ADAM18: variants seen among roughly 807,000 people sequenced by gnomAD.
The protein encoded by ADAM18 is ADAM metallopeptidase domain 18.
A neutral mutation model predicts 94.4 loss-of-function variants in ADAM18; 117 were observed. The ratio of observed to expected loss-of-function variants is 1.24; its 90% CI spans 1.07 to 1.45. The LOEUF (loss-of-function observed/expected upper bound fraction) is 1.45. Ranked by LOEUF, ADAM18 falls within the 40% of genes most tolerant of loss-of-function variation. The pLI is 0.00. For missense variants in ADAM18, 936 were observed against 880.0 expected (o/e 1.06, Z -0.81); for synonymous variants, 327 against 291.6 (o/e 1.12, Z -1.24).
At chr8:39,698,490 AC>A (rs1821984380) in intron 17 of ADAM18, among the ~76,000 whole-genome samples, 1 of 151,812 alleles carries the variant, frequency 6.6e-6, no homozygotes, top group Non-Finnish European at 1.5e-5. Context: ...TCCACTGGAG[AC>A]CCTTTTGGTG....
Position 39,713,860 on chromosome 8 carries a change from A to G in ADAM18, c.2017+6956A>G, listed in dbSNP as rs183477225. On this transcript the variant is annotated intron_variant, in intron 18 of 19. Transcript: ENST00000265707. ...TTTGGTGGGAGCATAAATTAGTTCAACCATTGTGGAAGTCAGTGTGGCGAT... is the reference window on the plus strand; with the variant it reads ...TTTGGTGGGAGCATAAATTAGTTCAGCCATTGTGGAAGTCAGTGTGGCGAT... Among the ~76,000 whole-genome samples the G allele has an allele frequency of 9.6e-3, 1,470 of 152,340 alleles. 10 individuals carry two copies. The highest frequency in any genetic ancestry group is 0.016 in the Non-Finnish European group (1,072 of 68,030).
intron 6 of ADAM18, among the ~76,000 whole-genome samples, chr8:39,623,586 TTTTTTG>T (rs568342168): frequency 2.2e-4 from 34 of 152,158 alleles, no homozygotes; most frequent in Non-Finnish European, 3.7e-4. Flanking sequence ...TTTTGTTTGT[TTTTTTG>T]TTTTTGTTTT....
chr8:39,690,040 A>AT (rs1248943373), intron 16 of ADAM18, among the ~76,000 whole-genome samples: 1 of 152,028 alleles, frequency 6.6e-6, no homozygotes, highest in East Asian at 1.9e-4. Flanking sequence ...AATGCTAGTG[A>AT]TTTTTGCACA....
chr8:39,607,790 C>G lies in ADAM18; in HGVS notation c.189-1252C>G, dbSNP rs556650055. Among the ~76,000 whole-genome samples, 14 of 149,138 alleles carry G rather than the reference C, an allele frequency of 9.4e-5. 1 individual carries two copies. In the South Asian group the frequency reaches 2.8e-3, roughly 30 times the overall value. On this transcript the variant is annotated intron_variant, in intron 3 of 19. Transcript: ENST00000265707. ...TCATCTCTCGAATCTTAGAGTACTC[C>G]ATAGTATGGTTTCTGCATTCTGGTT... is the stretch of plus-strand genomic sequence containing the variant.
chr8:39,659,388 A>G lies in ADAM18; in HGVS notation c.1231-4407A>G, dbSNP rs185431870. 3.3e-5 allele frequency among the ~76,000 whole-genome samples: 5 copies of G among 152,204 alleles called. No individual in the cohort carries two copies. In the East Asian group the frequency reaches 9.6e-4, roughly 29 times the overall value. On this transcript the variant is annotated intron_variant, in intron 12 of 19. Transcript: ENST00000265707. ...GAATAATTTAAAAAAAAAACAAGCAAATACACAAAAAAGCAAGTATGTGTG... is the reference window on the plus strand; with the variant it reads ...GAATAATTTAAAAAAAAAACAAGCAGATACACAAAAAAGCAAGTATGTGTG...
intron 16 of ADAM18, among the ~76,000 whole-genome samples, chr8:39,684,356 G>A (rs1425845340): frequency 1.3e-5 from 2 of 151,940 alleles, no homozygotes; most frequent in East Asian, 3.9e-4. Flanking sequence ...CCTAGGAATT[G>A]TTTAAGTATA....
chr8:39,722,150 CTCAT>C (rs1822769399), intron 18 of ADAM18, among the ~76,000 whole-genome samples: 1 of 146,822 alleles, frequency 6.8e-6, no homozygotes, highest in Non-Finnish European at 1.5e-5. Context: ...AATATCTCCT[CTCAT>C]TCTATAAGGT....
At chr8:39,638,906 C>T (rs1245753613) in intron 10 of ADAM18, among the ~76,000 whole-genome samples, 12 of 151,738 alleles carry the variant, frequency 7.9e-5, no homozygotes, top group Non-Finnish European at 3.0e-5. Context: ...TTTGTGCTTG[C>T]AATTTTACAC....
intron 10 of ADAM18, among the ~76,000 whole-genome samples, chr8:39,639,130 A>G (rs1052563658): frequency 2.2e-4 from 34 of 151,938 alleles, no homozygotes; most frequent in African/African-American, 7.2e-4. Flanking sequence ...AATATAGTAT[A>G]TAGATAAAAT....
rs575759474 is a variant in ADAM18, at chr8:39,665,582, C to T, written c.1326+1692C>T. On this transcript the variant is annotated intron_variant, in intron 13 of 19. Coordinates refer to ENST00000265707, the MANE Select transcript of ADAM18 (RefSeq NM_014237.3). ...CAGACACTTATGAGACTTACGGTTG[C>T]TTTGTAAATTGAATGTAAACACTAA... 3.9e-5 allele frequency among the ~76,000 whole-genome samples: 6 copies of T among 152,256 alleles called. 1 individual carries two copies. In the South Asian group the frequency reaches 1.2e-3, roughly 32 times the overall value.
chr8:39,624,969 G>A (rs1819721020), intron 6 of ADAM18, among the ~76,000 whole-genome samples: 1 of 152,100 alleles, frequency 6.6e-6, no homozygotes, highest in African/African-American at 2.4e-5. Context: ...TCCAGTCTCA[G>A]GTATTCTTTT....
At chr8:39,645,119 A>G (rs1013607746) in intron 10 of ADAM18, among the ~76,000 whole-genome samples, 2 of 152,154 alleles carry the variant, frequency 1.3e-5, no homozygotes, top group African/African-American at 4.8e-5. Flanking sequence ...TGGCGTGCAA[A>G]ATTTAAAACC....
chr8:39,674,342 GTTC>G lies in ADAM18; in HGVS notation c.1526-3083_1526-3081del, dbSNP rs557898606. 1.5e-3 allele frequency among the ~76,000 whole-genome samples: 236 copies of G among 152,276 alleles called. 1 individual carries two copies. The highest frequency in any genetic ancestry group is 5.2e-3 in the African/African-American group (217 of 41,570). On this transcript the variant is annotated intron_variant, in intron 14 of 19. Coordinates refer to ENST00000265707, the MANE Select transcript of ADAM18 (RefSeq NM_014237.3). ...TGCATGTATATATTTAAGATAGTTA[GTTC>G]TTCTTGTTGAATTGATCCCTTTACC...
At chr8:39,720,852 G>T (rs1822723909) in intron 18 of ADAM18, among the ~76,000 whole-genome samples, 1 of 151,340 alleles carries the variant, frequency 6.6e-6, no homozygotes, top group Non-Finnish European at 1.5e-5. Flanking sequence ...GAATATGCAA[G>T]CATTGACACT....
Position 39,645,363 on chromosome 8 carries a change from G to A in ADAM18, c.935G>A (p.Gly312Glu), listed in dbSNP as rs752996370. The A allele has an allele frequency of 1.2e-6, 2 of 1,611,756 alleles. No homozygotes were observed. Among genetic ancestry groups the A allele is most frequent in the Admixed American group, 3.3e-5 (2 of 59,840 alleles). ...TATCCAGATGCAATAGGTTTGGAGG[G>A]ATTTTCGGTTATTATAGCTCAACTG... ...AMYPDAIGLE[G>E]FSVIIAQLLG... is the part of the protein sequence containing the mutation. The change falls in exon 11 of 20, where the codon GGA (glycine) becomes GAA (glutamate). Residue 312 changes from glycine to glutamate, a missense_variant. Gly to Glu is a moderately conservative substitution (Grantham distance 98, BLOSUM62 -2). Coordinates refer to ENST00000265707, the MANE Select transcript of ADAM18 (RefSeq NM_014237.3).
intron 3 of ADAM18, among the ~76,000 whole-genome samples, chr8:39,608,625 T>C (rs1205354765): frequency 6.6e-6 from 1 of 152,114 alleles, no homozygotes; most frequent in Non-Finnish European, 1.5e-5. Context: ...ATCTACATTT[T>C]GTAACCACCC....
chr8:39,652,499 C>A (rs377455748), intron 12 of ADAM18, among the ~76,000 whole-genome samples: 1 of 152,240 alleles, frequency 6.6e-6, no homozygotes, highest in African/African-American at 2.4e-5. Flanking sequence ...AGAGATATTA[C>A]CTCACACCTG....
At chr8:39,707,356 C>G (rs1198529416) in intron 18 of ADAM18, among the ~76,000 whole-genome samples, 1 of 152,174 alleles carries the variant, frequency 6.6e-6, no homozygotes, top group Non-Finnish European at 1.5e-5. Flanking sequence ...AAATGGCTCA[C>G]TCATTTCAGG....
chr8:39,678,344 G>T (rs1821351921), intron 15 of ADAM18, among the ~76,000 whole-genome samples: 2 of 152,182 alleles, frequency 1.3e-5, no homozygotes, highest in South Asian at 4.1e-4. Context: ...AAGGTATCCA[G>T]TTGGGTGGGA....
Sources: gnomAD v4.1 joint callset for allele counts (sites outside exome capture counted in the v4.1 genomes callset) on GRCh38, gnomAD v4.1.1 for gene constraint, MANE v1.5 for transcripts, NCBI Gene and HGNC (gene_info 2026-07-23, HGNC 2026-07-21) for gene names.